KLF3: variants seen among roughly 807,000 people sequenced by gnomAD.
KLF3 encodes the protein KLF transcription factor 3.
In KLF3, 6 loss-of-function variants were observed where a neutral mutation model predicts 32.7. The observed-to-expected ratio is 0.18, with a 90% CI of 0.10 to 0.36. The LOEUF (loss-of-function observed/expected upper bound fraction) is 0.36. Ranked by LOEUF, KLF3 falls within the 10% of genes least tolerant of loss-of-function variation. The probability of loss-of-function intolerance (pLI) is 1.00; values close to 1 mark genes in which losing one functional copy is unlikely to be tolerated. For synonymous variants in KLF3, 145 were observed against 172.8 expected (o/e 0.84, Z 1.26); for missense variants, 338 against 449.7 (o/e 0.75, Z 2.25).
Position 38,697,112 on chromosome 4 carries a change from G to A in KLF3, c.887G>A (p.Gly296Glu). Residue 296 changes from glycine (G) to glutamate (E), a missense_variant, in exon 6 of 6, where the codon GGG becomes GAG. By Grantham distance (98) the Gly-to-Glu change is moderately conservative. Coordinates refer to ENST00000261438, the MANE Select transcript of KLF3 (RefSeq NM_016531.6). Reference sequence around the variant, plus strand: ...AAACCCTACAAATGTACATGGGAAGGGTGCACATGGAAGTTTGCTCGGTCT... The same window carrying A: ...AAACCCTACAAATGTACATGGGAAGAGTGCACATGGAAGTTTGCTCGGTCT... ...GEKPYKCTWE[G>E]CTWKFARSDE... 6.2e-7 allele frequency: 1 copy of A among 1,612,210 alleles called. No homozygotes were observed.
chr4:38,665,675 C>T (rs1158873038), intron 1 of KLF3, among the ~76,000 whole-genome samples: 1 of 152,158 alleles, frequency 6.6e-6, no homozygotes, highest in African/African-American at 2.4e-5. Context: ...TCACAAGAGT[C>T]TGGTATATGG....
intron 2 of KLF3, among the ~76,000 whole-genome samples, chr4:38,681,371 C>A (rs1374229344): frequency 6.6e-6 from 1 of 152,198 alleles, no homozygotes; most frequent in African/African-American, 2.4e-5. Flanking sequence ...GGAGCTGTAA[C>A]TATATGAGAT....
Position 38,699,677 on chromosome 4 carries a change from A to G in KLF3, c.*2414A>G, listed in dbSNP as rs1246009177. The G allele has an allele frequency of 1.3e-5, 2 of 152,266 alleles. No individual in the cohort carries two copies. Among genetic ancestry groups the G allele is most frequent in the Non-Finnish European group, 2.9e-5 (2 of 68,046 alleles). 9.4% of individuals were successfully genotyped at this position (152,266 alleles called of 1,614,324 possible). A position where few individuals can be genotyped will look rare whatever the true frequency, so the allele number is the denominator to read the frequency against. ...GCAAAGACTCTTAACATTACTGTTC[A>G]GCTTGCTTAGATTGTGTTAACAGTT... On this transcript the variant is annotated 3_prime_UTR_variant, in exon 6 of 6. Coordinates refer to ENST00000261438, the MANE Select transcript of KLF3 (RefSeq NM_016531.6).
intron 2 of KLF3, among the ~76,000 whole-genome samples, chr4:38,682,282 C>T (rs376366758): frequency 4.8e-4 from 73 of 152,338 alleles, no homozygotes; most frequent in African/African-American, 1.7e-3. Context: ...TGGTCTTGAA[C>T]TCCTGACCTC....
chr4:38,672,895 C>A (rs1477012478), intron 1 of KLF3, among the ~76,000 whole-genome samples: 1 of 151,358 alleles, frequency 6.6e-6, no homozygotes, highest in Non-Finnish European at 1.5e-5. Context: ...AGGAAGGCTT[C>A]AGAGATGGCC....
chr4:38,664,846 A>G (rs577920497), intron 1 of KLF3: 15 of 152,216 alleles, frequency 9.9e-5, no homozygotes, highest in African/African-American at 3.4e-4. Context: ...CCAAAGCCCC[A>G]GAAATCTCCG....
intron 1 of KLF3, among the ~76,000 whole-genome samples, chr4:38,666,403 T>G (rs1356704542): frequency 6.6e-6 from 1 of 151,818 alleles, no homozygotes; most frequent in Non-Finnish European, 1.5e-5. Flanking sequence ...TTTTTTTCCT[T>G]ACCTGTACTT....
chr4:38,696,186 G>GAA (rs57996051), intron 5 of KLF3, among the ~76,000 whole-genome samples: 2,505 of 99,106 alleles, frequency 0.025, 40 homozygotes, highest in East Asian at 0.066. Flanking sequence ...TTAGATGTAG[G>GAA]AAAAAAAAAA....
At chr4:38,668,766 C>G (rs1320538072) in intron 1 of KLF3, among the ~76,000 whole-genome samples, 1 of 152,130 alleles carries the variant, frequency 6.6e-6, no homozygotes, top group Non-Finnish European at 1.5e-5. Flanking sequence ...TGGCTTTCCC[C>G]AAATTCTTTC....
chr4:38,691,790 A>G (rs1722885998), intron 4 of KLF3, among the ~76,000 whole-genome samples: 1 of 152,200 alleles, frequency 6.6e-6, no homozygotes, highest in Admixed American at 6.5e-5. Context: ...TAATGTTCTC[A>G]CAGATGTGAT....
At chr4:38,673,607 C>T (rs556726253) in intron 1 of KLF3, among the ~76,000 whole-genome samples, 2 of 152,290 alleles carry the variant, frequency 1.3e-5, no homozygotes, top group South Asian at 4.1e-4. Context: ...GCTGCAGTTT[C>T]TCTAAGAAGG....
intron 1 of KLF3, among the ~76,000 whole-genome samples, chr4:38,666,388 CT>C (rs1424930820): frequency 1.1e-3 from 157 of 143,188 alleles, no homozygotes; most frequent in Non-Finnish European, 1.1e-3. Context: ...CTTTTTTTTT[CT>C]TTTTTTTTTT....
In KLF3 at chr4:38,698,678, T is replaced by C. The variant is rs1343725160; in HGVS notation, c.*1415T>C. 1 of 152,238 alleles carries C rather than the reference T, an allele frequency of 6.6e-6. No individual in the cohort carries two copies. The highest frequency in any genetic ancestry group is 1.5e-5 in the Non-Finnish European group (1 of 68,032). The allele number at this position is 152,238 out of a possible 1,614,324, so 9.4% of individuals were successfully genotyped here. On this transcript the variant is annotated 3_prime_UTR_variant, in exon 6 of 6. Transcript: ENST00000261438. ...ACAAACTGAAAATAATGGCTCGTGT[T>C]TATGTTGAAGATAAATAGCACCATT...
intron 1 of KLF3, among the ~76,000 whole-genome samples, chr4:38,669,046 G>C (rs1027943697): frequency 1.3e-5 from 2 of 152,026 alleles, no homozygotes; most frequent in Admixed American, 6.6e-5. Context: ...CAACATTTTT[G>C]CTATAAAACG....
intron 2 of KLF3, among the ~76,000 whole-genome samples, chr4:38,681,572 T>C (rs1722526278): frequency 6.6e-6 from 1 of 152,208 alleles, no homozygotes; most frequent in African/African-American, 2.4e-5. Context: ...CTGGGGTTTC[T>C]GCAGGTACAA....
Position 38,694,762 on chromosome 4 carries a change from A to C in KLF3, c.712A>C (p.Ile238Leu), listed in dbSNP as rs1433376572. The C allele has an allele frequency of 9.5e-6, 15 of 1,572,374 alleles. No individual in the cohort carries two copies. Among genetic ancestry groups the C allele is most frequent in the Non-Finnish European group, 1.0e-5 (12 of 1,166,500 alleles). The change falls in exon 5 of 6, where the codon ATC (isoleucine) becomes CTC (leucine). Residue 238 changes from isoleucine to leucine, a missense_variant. Ile to Leu is a conservative substitution (Grantham distance 5). Coordinates refer to ENST00000261438, the MANE Select transcript of KLF3 (RefSeq NM_016531.6). The stretch of plus-strand genomic sequence containing the variant: ...CTTTCACAGGAATCACCCTTCGGTC[A>C]TCGTGCAGCCTGGGAAGAGACCTTT... The part of the protein sequence containing the change: ...ALLQENHPSV[I>L]VQPGKRPLPV...
chr4:38,668,684 C>G (rs938390638), intron 1 of KLF3, among the ~76,000 whole-genome samples: 1 of 152,136 alleles, frequency 6.6e-6, no homozygotes, highest in Non-Finnish European at 1.5e-5. Context: ...CCAATCGAAG[C>G]AGGTTTTTTT....
At chr4:38,691,931 C>T (rs1038231573) in intron 4 of KLF3, among the ~76,000 whole-genome samples, 1 of 152,186 alleles carries the variant, frequency 6.6e-6, no homozygotes, top group Non-Finnish European at 1.5e-5. Flanking sequence ...CCTTAAGAAA[C>T]GCTTCCTTTC....
chr4:38,691,264 G>A (rs147138520), intron 4 of KLF3, among the ~76,000 whole-genome samples: 34 of 152,296 alleles, frequency 2.2e-4, no homozygotes, highest in African/African-American at 7.2e-4. Flanking sequence ...TCCGAATCAG[G>A]GCTTTTCCTG....
Sources: allele counts gnomAD v4.1 joint callset (sites outside exome capture counted in the v4.1 genomes callset), GRCh38; gene constraint gnomAD v4.1.1; transcripts MANE v1.5; gene names NCBI Gene and HGNC (gene_info 2026-07-23, HGNC 2026-07-21).